The following PPP2R5A variants were observed in gnomAD, a reference collection of about 807,000 sequenced individuals.
PPP2R5A encodes the protein protein phosphatase 2 regulatory subunit B'alpha.
In PPP2R5A, 25 loss-of-function variants were observed where a neutral mutation model predicts 64.2. That is an observed-to-expected ratio of 0.39 (90% CI 0.28 to 0.54). The LOEUF is 0.54. PPP2R5A is among the 20% of genes least tolerant of loss of function. The pLI is 0.67. For synonymous variants in PPP2R5A, 198 were observed against 201.2 expected (o/e 0.98, Z 0.13); for missense variants, 425 against 576.3 (o/e 0.74, Z 2.69).
intron 1 of PPP2R5A, among the ~76,000 whole-genome samples, chr1:212,296,857 C>G (rs1658699591): frequency 6.6e-6 from 1 of 152,150 alleles, no homozygotes; most frequent in African/African-American, 2.4e-5. Flanking sequence ...CAACACTAAA[C>G]TGGTTAGCAT....
Position 212,304,570 on chromosome 1 carries a change from A to G in PPP2R5A, c.181+18279A>G, listed in dbSNP as rs2102416259. 2.0e-5 allele frequency among the ~76,000 whole-genome samples: 3 copies of G among 152,026 alleles called. No individual in the cohort carries two copies. The Middle Eastern group carries it at 0.01, about 517-fold the overall frequency. On this transcript the variant is annotated intron_variant, in intron 1 of 12. Coordinates refer to ENST00000261461, the MANE Select transcript of PPP2R5A (RefSeq NM_006243.4). Reference sequence around the variant, plus strand: ...ATTTCAAAAACAAACAAAAAAAGAGATGGGGTCTCGCTATGTTGCCCAGGC... The same window carrying G: ...ATTTCAAAAACAAACAAAAAAAGAGGTGGGGTCTCGCTATGTTGCCCAGGC...
chr1:212,342,795 G>C (rs1659707096), intron 4 of PPP2R5A, among the ~76,000 whole-genome samples: 1 of 151,654 alleles, frequency 6.6e-6, no homozygotes, highest in Admixed American at 6.6e-5. Flanking sequence ...CTAAACCACA[G>C]ATAAAGTGGA....
intron 12 of PPP2R5A, among the ~76,000 whole-genome samples, chr1:212,360,344 T>C (rs1312570770): frequency 2.0e-5 from 3 of 152,140 alleles, no homozygotes; most frequent in Non-Finnish European, 4.4e-5. Flanking sequence ...CGTGAGAAAA[T>C]TGACGTGTAA....
intron 4 of PPP2R5A, among the ~76,000 whole-genome samples, chr1:212,344,404 A>T (rs1029852025): frequency 6.6e-6 from 1 of 152,254 alleles, no homozygotes; most frequent in African/African-American, 2.4e-5. Context: ...AATGGAAACT[A>T]TAAGTATGGC....
At chr1:212,308,968 G>T in intron 1 of PPP2R5A, 2 of 601,270 alleles carry the variant, frequency 3.3e-6, no homozygotes, top group Non-Finnish European at 5.9e-6. Context: ...TTCTCTGTTT[G>T]ATGTAACATT....
intron 1 of PPP2R5A, among the ~76,000 whole-genome samples, chr1:212,290,543 T>C (rs973411591): frequency 7.2e-5 from 11 of 152,232 alleles, no homozygotes; most frequent in Non-Finnish European, 1.5e-5. Flanking sequence ...ATTTTTAGGA[T>C]ATTCTTAAGA....
rs1002026844 is a variant in PPP2R5A at position 212,309,245 on chromosome 1, C to T, written c.182-19890C>T. On this transcript the variant is annotated intron_variant, in intron 1 of 12. Transcript: ENST00000261461. Reference sequence around the variant, plus strand: ...ACAATGAACACAAGTGTATTGTTGTCTTCTATCTTCTTCATGGCAGACTCA... The same window carrying T: ...ACAATGAACACAAGTGTATTGTTGTTTTCTATCTTCTTCATGGCAGACTCA... 4.2e-5 allele frequency: 63 copies of T among 1,482,560 alleles called. No homozygotes were observed. The Admixed American group carries it at 9.8e-4, about 23-fold the overall frequency. The allele number at this position is 1,482,560 out of a possible 1,614,324, so 91.8% of individuals were successfully genotyped here.
chr1:212,360,556 G>C, intron 12 of PPP2R5A, 82 bp from the exon 13 acceptor site: 2 of 1,235,636 alleles, frequency 1.6e-6, no homozygotes, highest in East Asian at 2.5e-5. Flanking sequence ...TAAGTAATGT[G>C]TTCTCCAGTA....
intron 1 of PPP2R5A, among the ~76,000 whole-genome samples, chr1:212,296,584 G>A (rs868203938): frequency 2.6e-5 from 4 of 152,150 alleles, no homozygotes; most frequent in Non-Finnish European, 4.4e-5. Context: ...TCATTGTTAT[G>A]TGCATGAAGG....
chr1:212,336,378 G>A (rs543633448), intron 3 of PPP2R5A, among the ~76,000 whole-genome samples: 1 of 152,242 alleles, frequency 6.6e-6, no homozygotes, highest in Admixed American at 6.5e-5. Flanking sequence ...GCCTCCCAAA[G>A]TGCTGGGATT....
chr1:212,299,549 G>C (rs144999970), intron 1 of PPP2R5A: 1 of 152,174 alleles, frequency 6.6e-6, no homozygotes, highest in African/African-American at 2.4e-5. Flanking sequence ...GAGGAAAAAA[G>C]TTAGGTCAGG....
chr1:212,352,946 C>CATTCCATTGGGGGGAAAATAT, intron 8 of PPP2R5A: 1 of 518,628 alleles, frequency 1.9e-6, no homozygotes. Context: ...TGGGAAAATA[C>CATTCCATTGGGGGGAAAATAT]CATTCCATTG....
intron 4 of PPP2R5A, among the ~76,000 whole-genome samples, chr1:212,343,293 G>T (rs1212810686): frequency 1.3e-5 from 2 of 152,188 alleles, no homozygotes; most frequent in Non-Finnish European, 2.9e-5. Flanking sequence ...TGGCCCCAAA[G>T]AAAATTGTGA....
rs189096576 is a variant in PPP2R5A, at chr1:212,356,617, T to C, written c.928-9T>C. The C allele has an allele frequency of 4.9e-3, 7,808 of 1,607,324 alleles. 23 individuals are homozygous for C. The highest frequency in any genetic ancestry group is 6.1e-3 in the Non-Finnish European group (7,220 of 1,177,758). ...ATTAAATTCATGCTAAACTTTTTCT[T>C]TTTCGCAGGTGATCAGAGGACTGCT... On this transcript the variant is annotated splice_polypyrimidine_tract_variant and intron_variant, in intron 8 of 12. Transcript: ENST00000261461.
At chr1:212,357,436 C>T (rs1659997557) in intron 11 of PPP2R5A, 152 bp downstream of exon 11, 8 of 607,518 alleles carry the variant, frequency 1.3e-5, no homozygotes, top group South Asian at 8.2e-5. Context: ...ATTTTATATA[C>T]GTATACCTTT....
At chr1:212,301,429 G>T (rs563847114) in intron 1 of PPP2R5A, among the ~76,000 whole-genome samples, 5 of 152,068 alleles carry the variant, frequency 3.3e-5, no homozygotes, top group African/African-American at 1.2e-4. Flanking sequence ...GTATTGTAGG[G>T]GTTTTCTTAA....
chr1:212,319,947 G>GTTT (rs71137742), intron 1 of PPP2R5A, among the ~76,000 whole-genome samples: 278 of 102,986 alleles, frequency 2.7e-3, no homozygotes, highest in Non-Finnish European at 4.1e-3. Context: ...CTTACAGATT[G>GTTT]TTTTTTTTTT....
At chr1:212,295,030 C>T (rs770068363) in intron 1 of PPP2R5A, among the ~76,000 whole-genome samples, 10 of 152,162 alleles carry the variant, frequency 6.6e-5, no homozygotes, top group Non-Finnish European at 1.5e-4. Context: ...CATTCTATAT[C>T]TCTGTGGTAT....
At chr1:212,360,558 T>C in intron 12 of PPP2R5A, 80 bp from the exon 13 acceptor site, 2 of 1,247,960 alleles carry the variant, frequency 1.6e-6, no homozygotes, top group Non-Finnish European at 2.2e-6. Flanking sequence ...AGTAATGTGT[T>C]CTCCAGTAAG....
Sources: gnomAD v4.1 joint callset for allele counts (sites outside exome capture counted in the v4.1 genomes callset) on GRCh38, gnomAD v4.1.1 for gene constraint, MANE v1.5 for transcripts, NCBI Gene and HGNC (gene_info 2026-07-23, HGNC 2026-07-21) for gene names.